The following CAPN14 variants were observed in gnomAD, a reference collection of about 807,000 sequenced individuals.
The protein encoded by CAPN14 is calpain 14.
A neutral mutation model predicts 101.3 loss-of-function variants in CAPN14; 94 were observed. The observed-to-expected ratio is 0.93, with a 90% confidence interval of 0.79 to 1.10. The LOEUF is 1.10. Among genes scored for constraint, CAPN14 ranks in the 50% least tolerant of loss-of-function variants. The probability of loss-of-function intolerance (pLI) is 0.00; values close to 1 mark genes in which losing one functional copy is unlikely to be tolerated. For synonymous variants in CAPN14, 338 were observed against 317.9 expected (o/e 1.06, Z -0.67); for missense variants, 837 against 828.4 (o/e 1.01, Z -0.13).
intron 21 of CAPN14, among the ~76,000 whole-genome samples, chr2:31,175,125 C>A (rs1680226826): frequency 6.6e-6 from 1 of 152,112 alleles, no homozygotes; most frequent in South Asian, 2.1e-4. Context: ...ATAGAGGGGA[C>A]CTCTGGGGAA....
intron 1 of CAPN14, among the ~76,000 whole-genome samples, chr2:31,231,216 A>G (rs1034404022): frequency 4.6e-5 from 7 of 151,572 alleles, no homozygotes; most frequent in Admixed American, 1.3e-4. Context: ...CTATTGCTCT[A>G]TAAGTTATAC....
At chr2:31,224,845 A>G (rs1682972315) in intron 2 of CAPN14, among the ~76,000 whole-genome samples, 1 of 152,042 alleles carries the variant, frequency 6.6e-6, no homozygotes, top group Admixed American at 6.5e-5. Flanking sequence ...GGAGAACTAT[A>G]AAAAGTTTAT....
rs72797119 is a variant in CAPN14 at position 31,176,443 on chromosome 2, A to C, written c.2028+144T>G. 4.5e-3 allele frequency: 2,897 copies of C among 648,066 alleles called. 17 individuals are homozygous for C. The highest frequency in any genetic ancestry group is 6.0e-3 in the Non-Finnish European group (2,190 of 363,136). The allele number at this position is 648,066 out of a possible 1,614,324, so 40.1% of individuals were successfully genotyped here. On this transcript the variant is annotated intron_variant, in intron 21 of 21. Transcript: ENST00000403897. ...TGATGGGTGAATGAATGAATGAATGAATGAGTGCAATGAATGTAGTGCTCA... is the reference window on the plus strand; with the variant it reads ...TGATGGGTGAATGAATGAATGAATGCATGAGTGCAATGAATGTAGTGCTCA...
chr2:31,220,628 C>A (rs899338141), upstream of CAPN14, among the ~76,000 whole-genome samples: 1 of 152,120 alleles, frequency 6.6e-6, no homozygotes, highest in African/African-American at 2.4e-5. Flanking sequence ...ACCAACATGA[C>A]CAACAGCCTG....
chr2:31,195,429 C>T (rs180676150), intron 8 of CAPN14, among the ~76,000 whole-genome samples: 12 of 152,272 alleles, frequency 7.9e-5, no homozygotes, highest in African/African-American at 1.2e-4. Flanking sequence ...CTCCGCCTCC[C>T]GGGTTCAAGC....
chr2:31,220,222 T>TA (rs147398768), upstream of CAPN14, among the ~76,000 whole-genome samples: 2,003 of 152,252 alleles, frequency 0.013, 45 homozygotes, highest in African/African-American at 0.044. Context: ...AGGAATAAAA[T>TA]AGAGTACTGA....
At chr2:31,203,623 C>A (rs537173396) in intron 2 of CAPN14, among the ~76,000 whole-genome samples, 1 of 152,106 alleles carries the variant, frequency 6.6e-6, no homozygotes, top group Non-Finnish European at 1.5e-5. Flanking sequence ...TCAGTCTTTG[C>A]GCGGACACAG....
intron 1 of CAPN14, among the ~76,000 whole-genome samples, chr2:31,231,145 T>TCTC (rs140796847): frequency 0.076 from 11,494 of 152,006 alleles, 1,460 homozygotes; most frequent in African/African-American, 0.26. Flanking sequence ...CACCTCTCCC[T>TCTC]CTCCTCCTCC....
At chr2:31,214,659 C>A (rs537400899) in intron 1 of CAPN14, among the ~76,000 whole-genome samples, 1 of 152,142 alleles carries the variant, frequency 6.6e-6, no homozygotes, top group Non-Finnish European at 1.5e-5. Context: ...TCCCTACTCA[C>A]CCCCAGCTGC....
rs1471094404 is a variant in CAPN14 at position 31,230,942 on chromosome 2, T to A, written c.-177+2849A>T. Among the ~76,000 whole-genome samples the A allele has an allele frequency of 6.6e-6, 1 of 152,256 alleles. No homozygotes were observed. The highest frequency in any genetic ancestry group is 1.5e-5 in the Non-Finnish European group (1 of 68,052). Reference sequence around the variant, plus strand: ...ATCTCTATTGCAACTTCTGTATATGTCAGGCTTCCAAATTTCCTGGCTATT... The same window carrying A: ...ATCTCTATTGCAACTTCTGTATATGACAGGCTTCCAAATTTCCTGGCTATT... On this transcript the variant is annotated intron_variant and NMD_transcript_variant, in intron 1 of 21. Transcript: ENST00000398824. This position sits in a 1 kb window ranked among gnomAD's most constrained non-coding sequence, Gnocchi z 4.3.
In CAPN14 at chr2:31,173,900, G is replaced by C. The variant is rs1367423063; in HGVS notation, c.*781C>G. 1 of 152,108 alleles carries C rather than the reference G, an allele frequency of 6.6e-6. No individual in the cohort carries two copies. The highest frequency in any genetic ancestry group is 1.5e-5 in the Non-Finnish European group (1 of 68,006). 9.4% of individuals were successfully genotyped at this position (152,108 alleles called of 1,614,324 possible). On this transcript the variant is annotated 3_prime_UTR_variant, in exon 22 of 22. Transcript: ENST00000403897. ...TATAATTTAGCATGGGTTTGTTTTT[G>C]TCCTTTGAAGTAGATAGACAGAGAA...
rs1463149960 is a variant in CAPN14, at chr2:31,199,507, A to G, written c.752T>C (p.Val251Ala). Residue 251 changes from valine to alanine, a missense_variant, in exon 7 of 22, where the codon GTG (valine) becomes GCG (alanine). Val to Ala is a moderately conservative substitution (Grantham distance 64). Coordinates refer to ENST00000403897, the MANE Select transcript of CAPN14 (RefSeq NM_001145122.2). ...TGTGAGAGTATAGGCATGGCCTTCC[A>G]CCAGCCCATTCTCCAGAATCTTCTC... ...SGEKILENGLVEGHAYTLTGI... is the reference protein window; with the variant it reads ...SGEKILENGLAEGHAYTLTGI... 2.6e-6 allele frequency: 4 copies of G among 1,551,416 alleles called. No individual in the cohort carries two copies. The South Asian group carries it at 4.8e-5, about 18-fold the overall frequency.
In CAPN14 at chr2:31,173,951, T is replaced by C. The variant is rs1274261027; in HGVS notation, c.*730A>G. 1 of 152,240 alleles carries C rather than the reference T, an allele frequency of 6.6e-6. No individual in the cohort carries two copies. Among genetic ancestry groups the C allele is most frequent in the Non-Finnish European group, 1.5e-5 (1 of 68,060 alleles). 9.4% of individuals were successfully genotyped at this position (152,240 alleles called of 1,614,324 possible). On this transcript the variant is annotated 3_prime_UTR_variant, in exon 22 of 22. Transcript: ENST00000403897. ...TTTCTGGACAGATTTGAAATGGATC[T>C]GATAGTCTATATATCAAGCAAATAG... is the stretch of plus-strand genomic sequence containing the variant.
chr2:31,189,525 G>A (rs1030338154), intron 12 of CAPN14, 47 bp from the exon 13 acceptor site: 2 of 1,472,406 alleles, frequency 1.4e-6, no homozygotes, highest in Non-Finnish European at 1.8e-6. Context: ...ATGACCCAGG[G>A]CTGTGGCCAG....
chr2:31,232,420 G>A (rs1268791067), intron 1 of CAPN14, among the ~76,000 whole-genome samples: 1 of 152,142 alleles, frequency 6.6e-6, no homozygotes, highest in African/African-American at 2.4e-5. Context: ...TTCCTAAATG[G>A]TCTCTTGGCC....
At chr2:31,203,286 CT>C (rs1402896619) in intron 2 of CAPN14, 147 bp from the exon 3 acceptor site, 1 of 625,712 alleles carries the variant, frequency 1.6e-6, no homozygotes, top group African/African-American at 1.8e-5. Flanking sequence ...CCCAGAAGAT[CT>C]GGGATACAGA....
rs1375073764 is a variant in CAPN14, at chr2:31,177,659, C to T, written c.1855+87G>A. 12 of 953,770 alleles carry T rather than the reference C, an allele frequency of 1.3e-5. No individual in the cohort carries two copies. The South Asian group carries it at 1.4e-4, about 11-fold the overall frequency. 59.1% of individuals were successfully genotyped at this position (953,770 alleles called of 1,614,324 possible). On this transcript the variant is annotated intron_variant, in intron 19 of 21. Coordinates refer to ENST00000403897, the MANE Select transcript of CAPN14 (RefSeq NM_001145122.2). The stretch of plus-strand genomic sequence containing the variant: ...GTAACACTGCGTATTAGAGTTACTT[C>T]AGCATGCCACACATCCCCTCTCCTC...
In CAPN14 at chr2:31,203,142, G is replaced by A. The variant is rs1320221425; in HGVS notation, c.226-3C>T. The A allele has an allele frequency of 3.9e-6, 6 of 1,551,334 alleles. No individual in the cohort carries two copies. Among genetic ancestry groups the A allele is most frequent in the South Asian group, 2.4e-5 (2 of 84,032 alleles). ...AACTGGGGATTGCTGTGCAGCTCCT[G>A]GGAAAGACAAACAGAATTGTCATTC... On this transcript the variant is annotated splice_region_variant and splice_polypyrimidine_tract_variant and intron_variant, in intron 2 of 21. Coordinates refer to ENST00000403897, the MANE Select transcript of CAPN14 (RefSeq NM_001145122.2).
At chr2:31,222,184 T>A (rs144269539), upstream of CAPN14, among the ~76,000 whole-genome samples, 60 of 152,214 alleles carry the variant, frequency 3.9e-4, no homozygotes, top group African/African-American at 1.4e-3. Flanking sequence ...CAAGGAAAGG[T>A]TTATCTGTGC....
Sources: gnomAD v4.1 joint callset for allele counts (sites outside exome capture counted in the v4.1 genomes callset) on GRCh38, gnomAD v4.1.1 for gene constraint, Gnocchi (gnomAD v3.1) non-coding constraint, MANE v1.5 for transcripts, NCBI Gene and HGNC (gene_info 2026-07-23, HGNC 2026-07-21) for gene names.